Variants in DENND5A observed in about 807,000 individuals in gnomAD.
DENND5A encodes DENN domain-containing protein 5A.
A neutral mutation model predicts 140.3 loss-of-function variants in DENND5A; 64 were observed. That is an observed-to-expected ratio of 0.46 (90% CI 0.37 to 0.56). The LOEUF (loss-of-function observed/expected upper bound fraction) is 0.56. DENND5A is among the 20% of genes least tolerant of loss of function. DENND5A has a pLI of 0.00. For synonymous variants in DENND5A, 605 were observed against 607.7 expected, an observed-to-expected ratio of 1.00 and a Z score of 0.07; for missense variants, 1,292 against 1,593.8, an observed-to-expected ratio of 0.81 and a Z score of 3.22.
At position 9,218,641 on chromosome 11, in the gene DENND5A, T is replaced by A. The variant is rs143691794; in HGVS notation, c.110-11009A>T. ...GGGAAGATCGCTAGAGCCCGGGAGA[T>A]GAAGGTTAGAGTGAGCTGTGATCGT... On this transcript the variant is annotated intron_variant, in intron 1 of 22. Coordinates refer to ENST00000328194, the MANE Select transcript of DENND5A (RefSeq NM_015213.4). Among the ~76,000 whole-genome samples the A allele has an allele frequency of 2.1e-3, 323 of 152,036 alleles. 3 individuals are homozygous for A. The highest frequency in any genetic ancestry group is 7.6e-3 in the African/African-American group (315 of 41,452).
At chr11:9,146,888 C>A in intron 16 of DENND5A, 142 bp downstream of exon 16, 1 of 935,862 alleles carries the variant, frequency 1.1e-6, no homozygotes, top group East Asian at 2.5e-5. Context: ...GGCAAGTGCA[C>A]CTCTCTCCCC....
intron 19 of DENND5A, 37 bp downstream of exon 19, chr11:9,144,060 T>G: frequency 6.3e-7 from 1 of 1,598,636 alleles, no homozygotes. Context: ...TTCCCTAGAC[T>G]GTATGGCATG....
chr11:9,149,502 A>G (rs1180428631), intron 15 of DENND5A, among the ~76,000 whole-genome samples: 1 of 152,240 alleles, frequency 6.6e-6, no homozygotes, highest in East Asian at 1.9e-4. Context: ...AACAAATGTT[A>G]TGCATGCCTG....
chr11:9,244,304 T>A (rs1050153462), intron 1 of DENND5A, among the ~76,000 whole-genome samples: 1 of 152,246 alleles, frequency 6.6e-6, no homozygotes, highest in Admixed American at 6.5e-5. Flanking sequence ...AACAGGTGAT[T>A]AGGCCATGAG....
At chr11:9,145,179 G>T in intron 17 of DENND5A, 66 bp from the exon 18 acceptor site, 1 of 1,207,456 alleles carries the variant, frequency 8.3e-7, no homozygotes, top group Non-Finnish European at 1.2e-6. Flanking sequence ...AGTTCTCGGA[G>T]GCACAGATCT....
chr11:9,228,132 A>AC (rs33923486), intron 1 of DENND5A, among the ~76,000 whole-genome samples: 1 of 150,206 alleles, frequency 6.7e-6, no homozygotes, highest in Non-Finnish European at 1.5e-5. Flanking sequence ...AAAAAAAAAA[A>AC]CTTACATTTG....
At chr11:9,258,297 C>A (rs925982670) in intron 1 of DENND5A, among the ~76,000 whole-genome samples, 1 of 123,778 alleles carries the variant, frequency 8.1e-6, no homozygotes, top group African/African-American at 3.1e-5. Context: ...CCCCAACAGG[C>A]CCCAGTGTGT....
At chr11:9,202,975 T>A (rs1239580116) in intron 4 of DENND5A, among the ~76,000 whole-genome samples, 1 of 152,176 alleles carries the variant, frequency 6.6e-6, no homozygotes, top group Admixed American at 6.5e-5. Context: ...ATTTATTTAA[T>A]CACCTCTCTT....
chr11:9,239,707 C>T (rs892251765), intron 1 of DENND5A, among the ~76,000 whole-genome samples: 5 of 152,220 alleles, frequency 3.3e-5, no homozygotes, highest in African/African-American at 1.2e-4. Context: ...AGCCATCCTC[C>T]TGCCTCTGCC....
chr11:9,198,234 A>G (rs1401414328), intron 4 of DENND5A, among the ~76,000 whole-genome samples: 1 of 152,084 alleles, frequency 6.6e-6, no homozygotes, highest in East Asian at 1.9e-4. Context: ...AAGAATAAAA[A>G]ACTAGGGAAC....
At chr11:9,244,616 G>A (rs191768439) in intron 1 of DENND5A, among the ~76,000 whole-genome samples, 7 of 152,208 alleles carry the variant, frequency 4.6e-5, no homozygotes, top group African/African-American at 1.2e-4. Flanking sequence ...TGATCCGCCC[G>A]CTTCGGCCTC....
intron 11 of DENND5A, among the ~76,000 whole-genome samples, chr11:9,162,305 C>T (rs967402279): frequency 5.4e-4 from 71 of 130,658 alleles, no homozygotes; most frequent in Admixed American, 3.0e-3. Context: ...ATGGCACAAT[C>T]TCGGCTCACT....
At chr11:9,185,435 T>C (rs991979800) in intron 5 of DENND5A, among the ~76,000 whole-genome samples, 2 of 152,194 alleles carry the variant, frequency 1.3e-5, no homozygotes, top group African/African-American at 4.8e-5. Context: ...ATTAAATAGC[T>C]CTTCCTTGAG....
intron 19 of DENND5A, among the ~76,000 whole-genome samples, 159 bp downstream of exon 19, chr11:9,143,938 A>G (rs1447921293): frequency 6.6e-6 from 1 of 152,176 alleles, no homozygotes; most frequent in Admixed American, 6.5e-5. Flanking sequence ...GTGATTCATA[A>G]GAGAAGGGTG....
chr11:9,203,964 G>C lies in DENND5A; in HGVS notation c.645C>G (p.Phe215Leu), dbSNP rs777593983. Reference protein sequence around the residue: ...KCICLITPMSFMKACRSVLEQ... With the variant: ...KCICLITPMSLMKACRSVLEQ... ...CCAGCACGCTCCGACATGCCTTCAT[G>C]AAAGACATGGGTGTGATGAGGCAGA... Residue 215 changes from phenylalanine to leucine, a missense_variant, in exon 4 of 23, where the codon TTC (phenylalanine) becomes TTG (leucine). This residue lies in a region of DENND5A where 566 missense variants were observed against 650.4 expected (regional missense o/e 0.87). Coordinates refer to ENST00000328194, the MANE Select transcript of DENND5A (RefSeq NM_015213.4). 1.9e-6 allele frequency: 3 copies of C among 1,614,144 alleles called. No homozygotes were observed. The East Asian group carries it at 6.7e-5, about 36-fold the overall frequency.
In DENND5A at chr11:9,244,591, A is replaced by C. The variant is rs1851384456; in HGVS notation, c.109+20370T>G. Among the ~76,000 whole-genome samples the C allele has an allele frequency of 4.7e-5, 7 of 149,976 alleles. No individual in the cohort carries two copies. In the South Asian group the frequency reaches 1.5e-3, roughly 32 times the overall value. ...TCCCTGTCAGTCAGGCTGGTCTTGA[A>C]CTCCTGACCTCGGGTGATCCGCCCG... On this transcript the variant is annotated intron_variant, in intron 1 of 22. Transcript: ENST00000328194.
chr11:9,194,964 G>A (rs374214456), intron 4 of DENND5A, among the ~76,000 whole-genome samples: 20 of 149,298 alleles, frequency 1.3e-4, no homozygotes, highest in African/African-American at 3.7e-4. Context: ...TGATCCACCC[G>A]CCTCAGCCTC....
Position 9,139,739 on chromosome 11 carries a change from C to G in DENND5A, c.3796G>C (p.Val1266Leu). 6.2e-7 allele frequency: 1 copy of G among 1,614,096 alleles called. No individual in the cohort carries two copies. Among genetic ancestry groups the G allele is most frequent in the Non-Finnish European group, 8.5e-7 (1 of 1,180,020 alleles). ...DHTLVNSLIRVLQTLQEFNIT... is the reference protein window; with the variant it reads ...DHTLVNSLIRLLQTLQEFNIT... ...TTGAACTCCTGCAATGTCTGCAGCA[C>G]ACGAATCAAGGAATTGACAAGTGTA... is the stretch of plus-strand genomic sequence containing the variant. The change falls in exon 23 of 23, where the codon GTG becomes CTG. Residue 1266 changes from valine to leucine, a missense_variant. Physicochemically the swap from Val to Leu is conservative, Grantham distance 32 (BLOSUM62 1). Coordinates refer to ENST00000328194, the MANE Select transcript of DENND5A (RefSeq NM_015213.4).
intron 4 of DENND5A, among the ~76,000 whole-genome samples, chr11:9,203,019 A>C (rs1294876570): frequency 6.6e-6 from 1 of 152,152 alleles, no homozygotes; most frequent in African/African-American, 2.4e-5. Context: ...CTATAGCAAC[A>C]ATTTTTCTGT....
Sources: allele counts gnomAD v4.1 joint callset (sites outside exome capture counted in the v4.1 genomes callset), GRCh38; gene constraint gnomAD v4.1.1; regional missense constraint gnomAD v4.1.1; transcripts MANE v1.5; gene names NCBI Gene and HGNC (gene_info 2026-07-23, HGNC 2026-07-21).